Variants in PGM1 observed in about 807,000 individuals in gnomAD.
PGM1 encodes phosphoglucomutase 1, also known as phosphoglucomutase-1.
PGM1 carries 52 observed loss-of-function variants against 55.6 expected under a neutral mutation model. The observed-to-expected ratio is 0.94, with a 90% confidence interval of 0.75 to 1.18. The LOEUF is 1.18. Among genes scored for constraint, PGM1 ranks in the 50% most tolerant of loss-of-function variants. The pLI, the probability that PGM1 is intolerant of heterozygous loss-of-function variation, is 0.00. For synonymous variants in PGM1, 287 were observed against 271.7 expected (o/e 1.06, Z -0.55); for missense variants, 724 against 729.3 (o/e 0.99, Z 0.08).
At position 63,593,643 on chromosome 1, in the gene PGM1, G is replaced by A. The variant is rs377179134; in HGVS notation, c.155G>A (p.Arg52Gln). ...SIISTVEPAQ[R>Q]QEATLVVGGD... ...ATCTCCACCGTGGAGCCGGCGCAGC[G>A]GCAGGAGGCCACGCTGGTGGTGGGC... is the stretch of plus-strand genomic sequence containing the variant. The change falls in exon 1 of 11, where the codon CGG (arginine) becomes CAG (glutamine). Residue 52 changes from arginine (R) to glutamine (Q), a missense_variant. Physicochemically the swap from Arg to Gln is conservative, Grantham distance 43. This residue lies in a region of PGM1 where 379 missense variants were observed against 357.5 expected (regional missense o/e 1.06). Transcript: ENST00000371084. 3.1e-6 allele frequency: 5 copies of A among 1,611,194 alleles called. No individual in the cohort carries two copies. In the South Asian group the frequency reaches 3.3e-5, roughly 11 times the overall value.
chr1:63,654,550 T>C, intron 10 of PGM1, 84 bp downstream of exon 10: 2 of 1,382,144 alleles, frequency 1.4e-6, no homozygotes, highest in Non-Finnish European at 2.1e-6. Flanking sequence ...TCAATGCCCA[T>C]TTCTCAAATG....
At chr1:63,601,958 T>C (rs1161343011) in intron 1 of PGM1, among the ~76,000 whole-genome samples, 1 of 152,220 alleles carries the variant, frequency 6.6e-6, no homozygotes. Context: ...AATTATGTTT[T>C]CATATTGGAA....
At chr1:63,609,814 AT>A (rs1648520281) in intron 1 of PGM1, among the ~76,000 whole-genome samples, 1 of 152,108 alleles carries the variant, frequency 6.6e-6, no homozygotes, top group South Asian at 2.1e-4. Flanking sequence ...GTGTTCAATG[AT>A]TTTCCCTAAC....
chr1:63,616,460 T>C (rs1261793449), intron 1 of PGM1, among the ~76,000 whole-genome samples: 2 of 152,220 alleles, frequency 1.3e-5, no homozygotes, highest in African/African-American at 4.8e-5. Flanking sequence ...TGAGTGCTCA[T>C]AGCTCTCTTG....
chr1:63,641,439 AT>A (rs987335114), intron 7 of PGM1, among the ~76,000 whole-genome samples: 1 of 152,218 alleles, frequency 6.6e-6, no homozygotes, highest in Admixed American at 6.5e-5. Flanking sequence ...AGAGGAGTTA[AT>A]TTTTAGCAAC....
chr1:63,649,696 G>A (rs897674216), intron 8 of PGM1, among the ~76,000 whole-genome samples: 3 of 152,116 alleles, frequency 2.0e-5, no homozygotes, highest in Non-Finnish European at 2.9e-5. Context: ...AACTTTGGAC[G>A]GATTCATTGA....
chr1:63,643,628 G>C (rs1235218985), intron 7 of PGM1, among the ~76,000 whole-genome samples: 1 of 152,218 alleles, frequency 6.6e-6, no homozygotes, highest in Admixed American at 6.5e-5. Flanking sequence ...CAAGAGGACA[G>C]GACTGCAGAC....
chr1:63,612,016 G>A (rs543296763), intron 1 of PGM1, among the ~76,000 whole-genome samples: 1 of 152,182 alleles, frequency 6.6e-6, no homozygotes, highest in Admixed American at 6.5e-5. Context: ...TAGCACTTTG[G>A]GAAGCCAAGG....
At chr1:63,652,539 G>C (rs1035262897) in intron 9 of PGM1, among the ~76,000 whole-genome samples, 1 of 148,692 alleles carries the variant, frequency 6.7e-6, no homozygotes, top group African/African-American at 2.5e-5. Flanking sequence ...GAACACTTAC[G>C]CACCAGGGTT....
intron 1 of PGM1, among the ~76,000 whole-genome samples, chr1:63,606,157 C>T (rs1014749909): frequency 6.6e-6 from 1 of 152,194 alleles, no homozygotes; most frequent in Non-Finnish European, 1.5e-5. Context: ...TGAATTCTGC[C>T]AACCATTTGT....
At chr1:63,630,111 T>C (rs748555331) in intron 3 of PGM1, 23 bp downstream of exon 3, 13 of 1,611,332 alleles carry the variant, frequency 8.1e-6, no homozygotes, top group Non-Finnish European at 1.0e-5. Context: ...TCCTCCTCTT[T>C]CTGCCCACTC....
intron 1 of PGM1, among the ~76,000 whole-genome samples, chr1:63,595,456 GCT>G (rs1648034164): frequency 1.3e-5 from 2 of 152,304 alleles, no homozygotes; most frequent in Admixed American, 1.3e-4. Flanking sequence ...TCTAAACTGG[GCT>G]CTATCTACAT....
intron 1 of PGM1, among the ~76,000 whole-genome samples, chr1:63,604,211 C>T (rs1015309021): frequency 4.6e-5 from 7 of 152,136 alleles, no homozygotes; most frequent in East Asian, 1.9e-4. Flanking sequence ...GGAATTTTTA[C>T]GATTTTATAG....
chr1:63,626,902 A>G (rs1169346176), intron 1 of PGM1, among the ~76,000 whole-genome samples: 1 of 151,934 alleles, frequency 6.6e-6, no homozygotes, highest in African/African-American at 2.4e-5. Context: ...GCCAACCACC[A>G]TTGTATTTTG....
At position 63,593,691 on chromosome 1, in the gene PGM1, A is replaced by T. The variant is rs200390982; in HGVS notation, c.203A>T (p.Lys68Met). 333 of 1,604,926 alleles carry T rather than the reference A, an allele frequency of 2.1e-4. 4 individuals are homozygous for T. In the East Asian group the frequency reaches 7.4e-3, roughly 36 times the overall value. The change falls in exon 1 of 11, where the codon AAG (lysine) becomes ATG (methionine). Residue 68 changes from lysine to methionine, a missense_variant. Physicochemically the swap from Lys to Met is moderately conservative, Grantham distance 95. Transcript: ENST00000371084. ...GGCGGGGACGGCCGGTTCTACATGA[A>T]GGAGGCCATCCAGCTCATCGCTCGC... The part of the protein sequence containing the change: ...VVGGDGRFYM[K>M]EAIQLIARIA...
chr1:63,610,100 A>G (rs751184898), intron 1 of PGM1, among the ~76,000 whole-genome samples: 7 of 152,232 alleles, frequency 4.6e-5, no homozygotes, highest in Non-Finnish European at 8.8e-5. Flanking sequence ...TAACTTATCT[A>G]AAACTGTTTT....
chr1:63,653,745 G>A (rs534145406), intron 9 of PGM1, among the ~76,000 whole-genome samples: 1 of 152,218 alleles, frequency 6.6e-6, no homozygotes, highest in South Asian at 2.1e-4. Context: ...CACTTCACAC[G>A]GACCTCGCTT....
At chr1:63,626,940 T>C (rs192665457) in intron 1 of PGM1, among the ~76,000 whole-genome samples, 231 of 152,012 alleles carry the variant, frequency 1.5e-3, no homozygotes, top group African/African-American at 5.2e-3. Flanking sequence ...CTTCTTTAAA[T>C]ACCTCATGTA....
chr1:63,654,188 G>C (rs577550142), intron 9 of PGM1, 144 bp from the exon 10 acceptor site: 10 of 811,312 alleles, frequency 1.2e-5, no homozygotes, highest in Non-Finnish European at 2.1e-5. Flanking sequence ...GGCTCACAAG[G>C]TGCAGCTGCT....
Sources: allele counts gnomAD v4.1 joint callset (sites outside exome capture counted in the v4.1 genomes callset), GRCh38; gene constraint gnomAD v4.1.1; regional missense constraint gnomAD v4.1.1; transcripts MANE v1.5; gene names NCBI Gene and HGNC (gene_info 2026-07-23, HGNC 2026-07-21).